Variants in THSD7B observed in about 807,000 individuals in gnomAD.
The protein encoded by THSD7B is thrombospondin type 1 domain containing 7B, also known as thrombospondin type-1 domain-containing protein 7B.
Under a neutral mutation model 213.6 loss-of-function variants are expected in THSD7B, and 138 were observed. The observed-to-expected ratio is 0.65, with a 90% CI of 0.56 to 0.74. THSD7B has a LOEUF of 0.74. Ranked by LOEUF, THSD7B falls within the 30% of genes least tolerant of loss-of-function variation. THSD7B has a pLI of 0.00. For missense variants in THSD7B, 1,931 were observed against 1,991.5 expected, an observed-to-expected ratio of 0.97 and a Z score of 0.58; for synonymous variants, 742 against 687.0, an observed-to-expected ratio of 1.08 and a Z score of -1.25.
intron 2 of THSD7B, among the ~76,000 whole-genome samples, chr2:136,974,625 G>T (rs1340134231): frequency 6.6e-6 from 1 of 152,114 alleles, no homozygotes; most frequent in African/African-American, 2.4e-5. Context: ...GTGATTCCAT[G>T]TCTTTGCTGT....
chr2:137,599,843 A>G (rs1682043139), intron 17 of THSD7B, among the ~76,000 whole-genome samples: 1 of 152,156 alleles, frequency 6.6e-6, no homozygotes, highest in Non-Finnish European at 1.5e-5. Context: ...AATCAACAAA[A>G]AGCATATGGA....
chr2:137,329,449 C>T (rs1024635609), intron 12 of THSD7B, among the ~76,000 whole-genome samples: 3 of 152,000 alleles, frequency 2.0e-5, no homozygotes, highest in Admixed American at 1.3e-4. Flanking sequence ...CACTGCAACC[C>T]CCACCTCCAG....
At chr2:137,576,721 T>C (rs189308762) in intron 17 of THSD7B, among the ~76,000 whole-genome samples, 23 of 152,096 alleles carry the variant, frequency 1.5e-4, no homozygotes, top group Admixed American at 1.2e-3. Context: ...TGCCCTGCTT[T>C]AGAAGAGAAA....
intron 7 of THSD7B, among the ~76,000 whole-genome samples, chr2:137,185,397 C>T (rs59795135): frequency 0.052 from 7,846 of 152,146 alleles, 604 homozygotes; most frequent in African/African-American, 0.16. Flanking sequence ...TCATCCATCC[C>T]TTGCCCCCTT....
chr2:137,411,582 A>C, intron 13 of THSD7B, 27 bp from the exon 14 acceptor site: 1 of 1,579,596 alleles, frequency 6.3e-7, no homozygotes, highest in African/African-American at 1.4e-5. Flanking sequence ...TAAGCATTTA[A>C]TATCTTAATG....
At chr2:137,096,924 C>T (rs1022581605) in intron 4 of THSD7B, among the ~76,000 whole-genome samples, 1 of 152,188 alleles carries the variant, frequency 6.6e-6, no homozygotes, top group African/African-American at 2.4e-5. Flanking sequence ...GAAGGATGAC[C>T]ACTATTGTTG....
chr2:137,644,216 G>A (rs1682988977), intron 21 of THSD7B, among the ~76,000 whole-genome samples: 1 of 152,196 alleles, frequency 6.6e-6, no homozygotes, highest in Admixed American at 6.5e-5. Flanking sequence ...TAGATAGAGT[G>A]AGTCCCGTTC....
intron 15 of THSD7B, among the ~76,000 whole-genome samples, chr2:137,462,860 A>G (rs921255878): frequency 6.6e-6 from 1 of 151,074 alleles, no homozygotes; most frequent in Non-Finnish European, 1.5e-5. Flanking sequence ...CCTTTAAGTG[A>G]ATAGGTACAA....
chr2:136,769,157 G>T (rs931486590), intron 1 of THSD7B, among the ~76,000 whole-genome samples: 9 of 152,194 alleles, frequency 5.9e-5, no homozygotes, highest in African/African-American at 1.9e-4. Flanking sequence ...AGAGCTAACA[G>T]TGGCTATTTT....
At chr2:137,289,164 G>T (rs1446740448) in intron 12 of THSD7B, among the ~76,000 whole-genome samples, 1 of 151,832 alleles carries the variant, frequency 6.6e-6, no homozygotes, top group Non-Finnish European at 1.5e-5. Context: ...AGTATTACAA[G>T]ACATGTTTTT....
chr2:137,147,007 C>T (rs1679717093), intron 5 of THSD7B, among the ~76,000 whole-genome samples: 1 of 152,122 alleles, frequency 6.6e-6, no homozygotes, highest in African/African-American at 2.4e-5. Flanking sequence ...AAGAGTGACT[C>T]CCCAACCTGG....
At chr2:137,529,976 T>G (rs1448906) in intron 15 of THSD7B, among the ~76,000 whole-genome samples, 73,602 of 151,878 alleles carry the variant, frequency 0.48, 18,377 homozygotes, top group South Asian at 0.66. Context: ...TTTTAATTTT[T>G]TTTGGTTCCT....
intron 7 of THSD7B, among the ~76,000 whole-genome samples, chr2:137,199,051 A>G (rs1680823596): frequency 6.6e-6 from 1 of 152,134 alleles, no homozygotes; most frequent in Non-Finnish European, 1.5e-5. Flanking sequence ...GCTGAACCGC[A>G]CGGCACTCCT....
chr2:137,323,972 A>G (rs1267066815), intron 12 of THSD7B, among the ~76,000 whole-genome samples: 2 of 152,160 alleles, frequency 1.3e-5, no homozygotes, highest in Non-Finnish European at 2.9e-5. Context: ...GTGAATTTTA[A>G]ATAGGAAAAT....
chr2:137,241,462 A>G (rs1001793364), intron 9 of THSD7B, among the ~76,000 whole-genome samples: 5 of 152,224 alleles, frequency 3.3e-5, no homozygotes, highest in African/African-American at 1.2e-4. Context: ...TTAACTATTT[A>G]TATTACTTTC....
At chr2:137,364,775 T>A (rs563664323) in intron 12 of THSD7B, among the ~76,000 whole-genome samples, 1 of 152,180 alleles carries the variant, frequency 6.6e-6, no homozygotes, top group Non-Finnish European at 1.5e-5. Flanking sequence ...TCCATGCTCA[T>A]GGATAGGAAG....
At chr2:137,672,617 T>C (rs554198424) in intron 27 of THSD7B, among the ~76,000 whole-genome samples, 1 of 152,298 alleles carries the variant, frequency 6.6e-6, no homozygotes, top group Admixed American at 6.5e-5. Context: ...TTCTATTAAA[T>C]GGATTGCAGA....
intron 14 of THSD7B, among the ~76,000 whole-genome samples, chr2:137,430,924 C>A (rs1305216665): frequency 6.6e-6 from 1 of 152,056 alleles, no homozygotes; most frequent in African/African-American, 2.4e-5. Flanking sequence ...GGGTAAATAT[C>A]CAGCTGGTGA....
intron 2 of THSD7B, among the ~76,000 whole-genome samples, chr2:136,897,772 C>G (rs1043988224): frequency 2.6e-5 from 4 of 152,128 alleles, no homozygotes; most frequent in Non-Finnish European, 5.9e-5. Context: ...ACACAGAGCG[C>G]TGATTGGTGC....
Sources: gnomAD v4.1 joint callset for allele counts (sites outside exome capture counted in the v4.1 genomes callset) on GRCh38, gnomAD v4.1.1 for gene constraint, MANE v1.5 for transcripts, NCBI Gene and HGNC (gene_info 2026-07-23, HGNC 2026-07-21) for gene names.